RBFOX1: variants seen among roughly 807,000 people sequenced by gnomAD.
RBFOX1 encodes the protein RNA binding protein fox-1 homolog 1.
RBFOX1 carries 8 observed loss-of-function variants against 57.7 expected under a neutral mutation model. The ratio of observed to expected loss-of-function variants is 0.14; its 90% confidence interval spans 0.08 to 0.25. The LOEUF (loss-of-function observed/expected upper bound fraction) is 0.25. Among genes scored for constraint, RBFOX1 ranks in the 10% least tolerant of loss-of-function variants. RBFOX1 has a pLI of 1.00. For synonymous variants in RBFOX1, 326 were observed against 222.4 expected, an observed-to-expected ratio of 1.47 and a Z score of -4.15; for missense variants, 611 against 548.5, an observed-to-expected ratio of 1.11 and a Z score of -1.14.
intron 2 of RBFOX1, among the ~76,000 whole-genome samples, chr16:6,610,661 C>G (rs2098033574): frequency 6.6e-6 from 1 of 152,188 alleles, no homozygotes; most frequent in Admixed American, 6.5e-5. Context: ...TACATTAACT[C>G]AGGTGAGCTT....
At chr16:5,582,484 C>T (rs535161142) in intron 2 of RBFOX1, among the ~76,000 whole-genome samples, 12 of 151,840 alleles carry the variant, frequency 7.9e-5, no homozygotes, top group South Asian at 6.3e-4. Flanking sequence ...GGTTAAACAG[C>T]CCTCCAAGGT....
At chr16:6,410,842 C>T (rs1296028382) in intron 2 of RBFOX1, among the ~76,000 whole-genome samples, 1 of 152,158 alleles carries the variant, frequency 6.6e-6, no homozygotes, top group Non-Finnish European at 1.5e-5. Context: ...TGGTCTGCAC[C>T]ATTCGGCATA....
At position 6,915,406 on chromosome 16, in the gene RBFOX1, G is replaced by A. The variant is rs145238872; in HGVS notation, c.-15-136651G>A. On this transcript the variant is annotated intron_variant, in intron 3 of 15. Transcript: ENST00000550418. ...TTCCCAAGCATGTCACTTCTGAACT[G>A]TTTAATAAATCCACGTAGCCCGTTT... Among the ~76,000 whole-genome samples, 829 of 152,286 alleles carry A rather than the reference G, an allele frequency of 5.4e-3. 9 individuals carry two copies. Among genetic ancestry groups the A allele is most frequent in the Middle Eastern group, 0.027 (8 of 294 alleles).
chr16:6,613,164 G>C (rs1014527814), intron 2 of RBFOX1, among the ~76,000 whole-genome samples: 7 of 152,046 alleles, frequency 4.6e-5, no homozygotes, highest in Non-Finnish European at 1.0e-4. Flanking sequence ...TATGCTTGCT[G>C]CGTGGGTCCC....
chr16:6,035,007 G>A (rs1290347005), intron 1 of RBFOX1, among the ~76,000 whole-genome samples: 2 of 104,136 alleles, frequency 1.9e-5, no homozygotes, highest in African/African-American at 4.0e-5. Context: ...ATGTCAACCC[G>A]ATTGTGCTGT....
At chr16:7,310,507 T>C (rs1375391004) in intron 4 of RBFOX1, among the ~76,000 whole-genome samples, 1 of 152,172 alleles carries the variant, frequency 6.6e-6, no homozygotes, top group Non-Finnish European at 1.5e-5. Flanking sequence ...GTCCTGTTGG[T>C]ATGTTTTATC....
chr16:7,258,794 G>C (rs1156990014), intron 4 of RBFOX1, among the ~76,000 whole-genome samples: 1 of 152,062 alleles, frequency 6.6e-6, no homozygotes, highest in Admixed American at 6.6e-5. Context: ...AACCGAGAAA[G>C]GGTTCCTCTA....
At chr16:5,368,788 T>C (rs887839960) in intron 1 of RBFOX1, among the ~76,000 whole-genome samples, 5 of 152,062 alleles carry the variant, frequency 3.3e-5, no homozygotes, top group African/African-American at 1.2e-4. Context: ...TTAACTCCAA[T>C]CCAGGGTCTT....
rs1597920243 is a variant in RBFOX1 at position 6,483,934 on chromosome 16, G to T, written c.-64+166877G>T. Reference sequence around the variant, plus strand: ...GACGCGGTATGTAAGCCGAGCTCCAGCTCCGGGGACCTCGGAGACTGTGCT... The same window carrying T: ...GACGCGGTATGTAAGCCGAGCTCCATCTCCGGGGACCTCGGAGACTGTGCT... On this transcript the variant is annotated intron_variant, in intron 2 of 15. Coordinates refer to ENST00000550418, the MANE Select transcript of RBFOX1 (RefSeq NM_018723.4). The T allele has an allele frequency of 6.6e-6, 7 of 1,067,204 alleles. No individual in the cohort carries two copies. The South Asian group carries it at 1.9e-4, about 29-fold the overall frequency. 66.1% of individuals were successfully genotyped at this position (1,067,204 alleles called of 1,614,324 possible). A position where few individuals can be genotyped will look rare whatever the true frequency, so the allele number is the denominator to read the frequency against.
At chr16:6,691,496 G>C (rs1603428226) in intron 3 of RBFOX1, among the ~76,000 whole-genome samples, 1 of 151,958 alleles carries the variant, frequency 6.6e-6, no homozygotes, top group African/African-American at 2.4e-5. Context: ...CTCAAGTTTG[G>C]GAAGTAAAAT....
intron 3 of RBFOX1, among the ~76,000 whole-genome samples, chr16:6,675,476 A>C (rs897946645): frequency 3.3e-5 from 5 of 152,182 alleles, no homozygotes; most frequent in Admixed American, 3.3e-4. Context: ...TTTAGTGACA[A>C]AGCCCTGGGC....
intron 3 of RBFOX1, among the ~76,000 whole-genome samples, chr16:6,893,615 G>A (rs2066047910): frequency 6.6e-6 from 1 of 152,132 alleles, no homozygotes; most frequent in South Asian, 2.1e-4. Context: ...TATATAAGGA[G>A]AAAAGGAGAA....
At chr16:6,749,134 G>A (rs1414579489) in intron 3 of RBFOX1, among the ~76,000 whole-genome samples, 1 of 152,200 alleles carries the variant, frequency 6.6e-6, no homozygotes, top group Non-Finnish European at 1.5e-5. Context: ...CTACTAGGAA[G>A]GCCGGATGGC....
At chr16:6,114,761 G>A (rs951359962) in intron 1 of RBFOX1, among the ~76,000 whole-genome samples, 5 of 152,258 alleles carry the variant, frequency 3.3e-5, no homozygotes, top group East Asian at 1.9e-4. Flanking sequence ...AAAAGTTGGG[G>A]CTTAGCCTGG....
chr16:7,110,488 A>T (rs571220941), intron 4 of RBFOX1, among the ~76,000 whole-genome samples: 2 of 152,212 alleles, frequency 1.3e-5, no homozygotes, highest in African/African-American at 4.8e-5. Context: ...GCTCCGGCTT[A>T]AGGAGAGCCT....
chr16:7,701,003 A>C (rs1349906590), intron 14 of RBFOX1, among the ~76,000 whole-genome samples: 1 of 152,138 alleles, frequency 6.6e-6, no homozygotes, highest in Admixed American at 6.5e-5. Flanking sequence ...AAAAAAAGCA[A>C]GTTCTGTGGC....
chr16:5,717,263 C>T (rs2051738495), intron 3 of RBFOX1, among the ~76,000 whole-genome samples: 1 of 152,010 alleles, frequency 6.6e-6, no homozygotes, highest in Non-Finnish European at 1.5e-5. Context: ...CTCGTTGTTT[C>T]CTGTGAATTT....
chr16:7,329,808 G>C (rs552973206), intron 4 of RBFOX1, among the ~76,000 whole-genome samples: 1 of 152,280 alleles, frequency 6.6e-6, no homozygotes, highest in South Asian at 2.1e-4. Flanking sequence ...GCGTTCTTAA[G>C]AAGAAAACAG....
intron 2 of RBFOX1, among the ~76,000 whole-genome samples, chr16:6,318,626 C>G (rs896957088): frequency 6.6e-6 from 1 of 152,016 alleles, no homozygotes; most frequent in Non-Finnish European, 1.5e-5. Context: ...CAACCCTGCA[C>G]TGGGATTGAA....
Sources: allele counts gnomAD v4.1 joint callset (sites outside exome capture counted in the v4.1 genomes callset), GRCh38; gene constraint gnomAD v4.1.1; transcripts MANE v1.5; gene names NCBI Gene and HGNC (gene_info 2026-07-23, HGNC 2026-07-21).